The following CENPP variants were observed in gnomAD, a reference collection of about 807,000 sequenced individuals.
CENPP encodes centromere protein P.
Under a neutral mutation model 35.6 loss-of-function variants are expected in CENPP, and 24 were observed. That is an observed-to-expected ratio of 0.67 (90% CI 0.49 to 0.95). CENPP has a LOEUF of 0.95. CENPP is among the 40% of genes least tolerant of loss of function. CENPP has a pLI of 0.00. For missense variants in CENPP, 332 were observed against 345.3 expected, an observed-to-expected ratio of 0.96 and a Z score of 0.31; for synonymous variants, 120 against 125.5, an observed-to-expected ratio of 0.96 and a Z score of 0.29.
chr9:92,516,761 G>A (rs1847749473), intron 5 of CENPP: 1 of 152,024 alleles, frequency 6.6e-6, no homozygotes, highest in Non-Finnish European at 1.5e-5. Flanking sequence ...CCATTTCATT[G>A]AACACTTTTT....
chr9:92,325,824 G>C (rs1840443571), upstream of CENPP: 1 of 557,068 alleles, frequency 1.8e-6, no homozygotes, highest in Non-Finnish European at 3.2e-6. Context: ...TCTCGTGCGA[G>C]AGCGGAGTTG....
intron 5 of CENPP, among the ~76,000 whole-genome samples, chr9:92,423,335 C>T (rs1328251928): frequency 2.0e-5 from 3 of 152,070 alleles, no homozygotes; most frequent in Non-Finnish European, 2.9e-5. Context: ...CATAATATTT[C>T]TCTTACTTGG....
intron 5 of CENPP, chr9:92,415,092 A>G: frequency 8.0e-7 from 1 of 1,251,706 alleles, no homozygotes; most frequent in Non-Finnish European, 1.1e-6. Context: ...GTTTACTTAG[A>G]TTTACTATAT....
intron 5 of CENPP, among the ~76,000 whole-genome samples, chr9:92,587,609 A>G (rs1588298650): frequency 6.6e-6 from 1 of 152,244 alleles, no homozygotes; most frequent in Admixed American, 6.5e-5. Context: ...TACATATTGT[A>G]TGATTCCATT....
intron 5 of CENPP, among the ~76,000 whole-genome samples, chr9:92,605,109 T>A (rs1219685773): frequency 6.6e-6 from 1 of 152,050 alleles, no homozygotes; most frequent in Non-Finnish European, 1.5e-5. Flanking sequence ...GCCCCTCAAG[T>A]AGCTGGAATT....
chr9:92,400,563 A>G (rs1843071470), intron 5 of CENPP, among the ~76,000 whole-genome samples: 1 of 152,232 alleles, frequency 6.6e-6, no homozygotes, highest in African/African-American at 2.4e-5. Flanking sequence ...AGAAATTAAT[A>G]TGTGGTTTTT....
Position 92,617,915 on chromosome 9 carries a change from G to A in CENPP, c.*4766G>A. 3.7e-6 allele frequency: 1 copy of A among 272,698 alleles called. No homozygotes were observed. The highest frequency in any genetic ancestry group is 4.0e-5 in the South Asian group (1 of 24,978). The allele number at this position is 272,698 out of a possible 1,614,324, so 16.9% of individuals were successfully genotyped here. On this transcript the variant is annotated 3_prime_UTR_variant, in exon 8 of 8. Transcript: ENST00000375587. ...GCAGAAACAGTAGTGCAGAGCTGGA[G>A]AAGCCTTTATTTTAGGGGGTGTAAG...
chr9:92,490,744 C>T (rs1309266396), intron 5 of CENPP, among the ~76,000 whole-genome samples: 1 of 152,122 alleles, frequency 6.6e-6, no homozygotes, highest in Non-Finnish European at 1.5e-5. Flanking sequence ...CTAAGTATTA[C>T]CAGTTGTCAA....
chr9:92,363,209 T>G (rs1245502785), intron 4 of CENPP, among the ~76,000 whole-genome samples: 1 of 139,964 alleles, frequency 7.1e-6, no homozygotes, highest in Admixed American at 7.6e-5. Flanking sequence ...CAAACAGTAC[T>G]AGGAAATATG....
intron 4 of CENPP, 40 bp downstream of exon 4, chr9:92,345,827 G>A (rs551233413): frequency 2.5e-6 from 3 of 1,212,738 alleles, no homozygotes; most frequent in South Asian, 1.3e-5. Flanking sequence ...GAGAAAAAAA[G>A]TAAATTTACA....
At chr9:92,382,735 C>A (rs1842283745) in intron 5 of CENPP, among the ~76,000 whole-genome samples, 1 of 151,930 alleles carries the variant, frequency 6.6e-6, no homozygotes, top group Admixed American at 6.6e-5. Flanking sequence ...CCAGTTTTCC[C>A]AGCACCATTG....
intron 5 of CENPP, among the ~76,000 whole-genome samples, chr9:92,487,488 T>G (rs539500230): frequency 6.6e-6 from 1 of 152,268 alleles, no homozygotes; most frequent in South Asian, 2.1e-4. Context: ...AAAAGAGGGT[T>G]AAAAGGATCA....
Position 92,619,242 on chromosome 9 carries a change from G to C in CENPP, c.*6093G>C. 2.1e-6 allele frequency: 1 copy of C among 479,058 alleles called. No individual in the cohort carries two copies. Among genetic ancestry groups the C allele is most frequent in the Admixed American group, 3.2e-5 (1 of 31,184 alleles). 29.7% of individuals were successfully genotyped at this position (479,058 alleles called of 1,614,324 possible). ...CTTGGGAGTATTTTCTTAGAAAACA[G>C]TAACTTTCAATGTACTAACAATCCT... On this transcript the variant is annotated 3_prime_UTR_variant, in exon 8 of 8. Transcript: ENST00000375587.
Position 92,615,916 on chromosome 9 carries a change from C to CTT in CENPP, c.*2769_*2770dup. 6.2e-7 allele frequency: 1 copy of CTT among 1,614,166 alleles called. No homozygotes were observed. Among genetic ancestry groups the CTT allele is most frequent in the African/African-American group, 1.3e-5 (1 of 75,050 alleles). ...CGGCGTTGTCTTTGGCACGTACAGT[C>CTT]TTTGAATAATAGTTGACGATCTTGC... On this transcript the variant is annotated 3_prime_UTR_variant, in exon 8 of 8. Coordinates refer to ENST00000375587, the MANE Select transcript of CENPP (RefSeq NM_001012267.3).
Position 92,451,835 on chromosome 9 carries a change from T to A in CENPP, c.564+71976T>A, listed in dbSNP as rs866853312. ...TCACATCCCTTGTAAGTTGGATTCC[T>A]AGGTATTTTAATCTCTTTGAAGCAA... is the stretch of plus-strand genomic sequence containing the variant. On this transcript the variant is annotated intron_variant, in intron 5 of 7. Coordinates refer to ENST00000375587, the MANE Select transcript of CENPP (RefSeq NM_001012267.3). Among the ~76,000 whole-genome samples, 1,091 of 151,992 alleles carry A rather than the reference T, an allele frequency of 7.2e-3. 12 individuals are homozygous for A. Among genetic ancestry groups the A allele is most frequent in the African/African-American group, 0.024 (1,010 of 41,436 alleles).
intron 5 of CENPP, among the ~76,000 whole-genome samples, chr9:92,439,378 A>G (rs1296163162): frequency 2.6e-5 from 4 of 151,998 alleles, no homozygotes; most frequent in Non-Finnish European, 5.9e-5. Flanking sequence ...AATTTAAAAT[A>G]TATATATTTT....
At chr9:92,473,511 T>A (rs1845602913) in intron 5 of CENPP, among the ~76,000 whole-genome samples, 1 of 152,206 alleles carries the variant, frequency 6.6e-6, no homozygotes, top group African/African-American at 2.4e-5. Flanking sequence ...ATTCCCTAAC[T>A]AACCTCTTCT....
intron 4 of CENPP, among the ~76,000 whole-genome samples, chr9:92,348,270 T>G (rs566459552): frequency 1.3e-5 from 2 of 151,408 alleles, no homozygotes; most frequent in South Asian, 4.2e-4. Flanking sequence ...ACAAAACGTG[T>G]TTTTGTATAT....
At chr9:92,570,876 A>T (rs924335300) in intron 5 of CENPP, among the ~76,000 whole-genome samples, 1 of 152,190 alleles carries the variant, frequency 6.6e-6, no homozygotes. Flanking sequence ...AGAGGTGTTT[A>T]TAGTATTATC....
Sources: gnomAD v4.1 joint callset for allele counts (sites outside exome capture counted in the v4.1 genomes callset) on GRCh38, gnomAD v4.1.1 for gene constraint, MANE v1.5 for transcripts, NCBI Gene and HGNC (gene_info 2026-07-23, HGNC 2026-07-21) for gene names.